NRXN3: variants seen among roughly 807,000 people sequenced by gnomAD.
NRXN3 encodes neurexin 3, also known as neurexin III.
In NRXN3, 32 loss-of-function variants were observed where a neutral mutation model predicts 137.6. That is an observed-to-expected ratio of 0.23 (90% confidence interval 0.18 to 0.31). The LOEUF is 0.31. Among genes scored for constraint, NRXN3 ranks in the 10% least tolerant of loss-of-function variants. NRXN3 has a pLI of 1.00. For missense variants in NRXN3, 1,574 were observed against 2,062.5 expected (o/e 0.76, Z 4.59); for synonymous variants, 798 against 784.5 (o/e 1.02, Z -0.29).
Position 79,653,028 on chromosome 14 carries a change from C to T in NRXN3, c.3445-10750C>T, listed in dbSNP as rs577415080. ...ATCACCTGGATGAAAGACCTAACTG[C>T]AGCACTATCTCCAGGACACACACAC... is the stretch of plus-strand genomic sequence containing the variant. On this transcript the variant is annotated intron_variant, in intron 16 of 20. Transcript: ENST00000335750. 5.5e-4 allele frequency among the ~76,000 whole-genome samples: 83 copies of T among 151,230 alleles called. 1 individual carries two copies. In the South Asian group the frequency reaches 0.016, roughly 30 times the overall value.
chr14:78,964,586 CT>C (rs2099413929), intron 11 of NRXN3, among the ~76,000 whole-genome samples: 1 of 151,034 alleles, frequency 6.6e-6, no homozygotes, highest in African/African-American at 2.5e-5. Flanking sequence ...TGCTATCAGT[CT>C]TGCTAATGGA....
At chr14:79,690,136 A>G (rs932868807) in intron 17 of NRXN3, among the ~76,000 whole-genome samples, 28 of 152,178 alleles carry the variant, frequency 1.8e-4, no homozygotes, top group Admixed American at 1.8e-3. Context: ...CTAAAACCCT[A>G]GAGGATGAAT....
At chr14:78,838,101 TG>T (rs2099002074) in intron 10 of NRXN3, among the ~76,000 whole-genome samples, 2 of 152,212 alleles carry the variant, frequency 1.3e-5, no homozygotes, top group South Asian at 4.1e-4. Flanking sequence ...TAATCTTCTT[TG>T]CCCCCCTTTA....
intron 15 of NRXN3, among the ~76,000 whole-genome samples, chr14:79,433,315 A>G (rs1390112687): frequency 6.6e-6 from 1 of 152,138 alleles, no homozygotes; most frequent in Non-Finnish European, 1.5e-5. Flanking sequence ...GACTGTTGGG[A>G]CATCCTGGTT....
chr14:78,949,570 A>G (rs746019986), intron 10 of NRXN3, among the ~76,000 whole-genome samples: 70 of 151,312 alleles, frequency 4.6e-4, no homozygotes, highest in Non-Finnish European at 8.4e-4. Context: ...AGAATATTCT[A>G]CCTCAAAGGG....
intron 10 of NRXN3, among the ~76,000 whole-genome samples, chr14:78,881,766 A>C (rs1159479122): frequency 6.6e-6 from 1 of 151,832 alleles, no homozygotes; most frequent in East Asian, 1.9e-4. Flanking sequence ...GATGTGCCAG[A>C]AAAGAAAAAC....
chr14:78,474,248 C>G (rs1192325125), intron 4 of NRXN3, among the ~76,000 whole-genome samples: 2 of 152,108 alleles, frequency 1.3e-5, no homozygotes, highest in African/African-American at 4.8e-5. Flanking sequence ...GAAAAAAGAG[C>G]CACCATTCTT....
chr14:79,624,441 A>G lies in NRXN3; in HGVS notation c.3445-39337A>G, dbSNP rs112293370. ...ACATTTAAGGTGTCTCCATATATGT[A>G]TATATATATATATGTATACATAGTG... On this transcript the variant is annotated intron_variant, in intron 16 of 20. Coordinates refer to ENST00000335750, the MANE Select transcript of NRXN3 (RefSeq NM_001330195.2). 2.0e-3 allele frequency among the ~76,000 whole-genome samples: 146 copies of G among 73,344 alleles called. 1 individual carries two copies. In the African/African-American group the frequency reaches 0.021, roughly 11 times the overall value. The allele number at this position is 73,344 out of a possible 152,430, so 48.1% of individuals were successfully genotyped here.
chr14:79,288,410 G>A (rs2082633400), intron 15 of NRXN3, among the ~76,000 whole-genome samples: 1 of 152,216 alleles, frequency 6.6e-6, no homozygotes, highest in Non-Finnish European at 1.5e-5. Context: ...AGGATTTTGA[G>A]AGAGACTTGC....
At chr14:79,381,410 T>C (rs1390893466) in intron 15 of NRXN3, among the ~76,000 whole-genome samples, 1 of 152,128 alleles carries the variant, frequency 6.6e-6, no homozygotes, top group Non-Finnish European at 1.5e-5. Flanking sequence ...CTGAAAGTTC[T>C]TGAATTCTCC....
chr14:79,365,373 C>A (rs1191061594), intron 15 of NRXN3, among the ~76,000 whole-genome samples: 1 of 152,120 alleles, frequency 6.6e-6, no homozygotes, highest in African/African-American at 2.4e-5. Flanking sequence ...TTTGCTGAGT[C>A]ATTAAATAGG....
intron 10 of NRXN3, among the ~76,000 whole-genome samples, chr14:78,817,161 G>A (rs2098936205): frequency 6.6e-6 from 1 of 152,164 alleles, no homozygotes; most frequent in South Asian, 2.1e-4. Context: ...GAGCAAGGAG[G>A]ACACTGGAGC....
chr14:78,238,139 GC>G (rs111555461), intron 1 of NRXN3, among the ~76,000 whole-genome samples: 18 of 145,612 alleles, frequency 1.2e-4, no homozygotes, highest in African/African-American at 4.6e-4. Context: ...AGTTGTGTGA[GC>G]CCCCCCCACC....
In NRXN3 at chr14:79,405,063, C is replaced by T. The variant is rs578182274; in HGVS notation, c.3263-62158C>T. Among the ~76,000 whole-genome samples the T allele has an allele frequency of 3.9e-5, 6 of 152,104 alleles. No individual in the cohort carries two copies. The South Asian group carries it at 6.2e-4, about 16-fold the overall frequency. ...TATCATATTCCAGTGAAGGGGAGTA[C>T]GGCAGGAGGTTGCCATGGCAACAAA... On this transcript the variant is annotated intron_variant, in intron 15 of 20. Transcript: ENST00000335750.
At chr14:79,145,792 G>A (rs760403001) in intron 15 of NRXN3, among the ~76,000 whole-genome samples, 1 of 152,178 alleles carries the variant, frequency 6.6e-6, no homozygotes, top group Non-Finnish European at 1.5e-5. Flanking sequence ...GTAAGCATGA[G>A]TATCATTCTG....
chr14:79,583,209 T>C (rs1219431794), intron 16 of NRXN3, among the ~76,000 whole-genome samples: 3 of 152,170 alleles, frequency 2.0e-5, no homozygotes, highest in African/African-American at 7.2e-5. Flanking sequence ...AGACAGATGC[T>C]TCTCTGAGCC....
intron 4 of NRXN3, among the ~76,000 whole-genome samples, chr14:78,633,474 C>A (rs545048823): frequency 4.6e-5 from 7 of 152,176 alleles, no homozygotes; most frequent in African/African-American, 1.2e-4. Flanking sequence ...TCAACATATC[C>A]CATCCTCTTT....
chr14:78,836,848 A>G (rs182829889), intron 10 of NRXN3, among the ~76,000 whole-genome samples: 2 of 152,316 alleles, frequency 1.3e-5, no homozygotes, highest in African/African-American at 2.4e-5. Flanking sequence ...TAGGGAAGAC[A>G]TGGGCTGATG....
At position 79,107,639 on chromosome 14, in the gene NRXN3, A is replaced by G. The variant is rs540173686; in HGVS notation, c.3262+119498A>G. 6.4e-4 allele frequency among the ~76,000 whole-genome samples: 98 copies of G among 152,198 alleles called. 1 individual carries two copies. The highest frequency in any genetic ancestry group is 2.2e-3 in the African/African-American group (93 of 41,538). The stretch of plus-strand genomic sequence containing the variant: ...AGGGAGGTTAGGAGAAAGTGGAAAT[A>G]TTGGATGTATTTTTTGGGTAGTGCT... On this transcript the variant is annotated intron_variant, in intron 15 of 20. Transcript: ENST00000335750.
Sources: gnomAD v4.1 joint callset for allele counts (sites outside exome capture counted in the v4.1 genomes callset) on GRCh38, gnomAD v4.1.1 for gene constraint, MANE v1.5 for transcripts, NCBI Gene and HGNC (gene_info 2026-07-23, HGNC 2026-07-21) for gene names.